SPOCK1: variants seen among roughly 807,000 people sequenced by gnomAD.
SPOCK1 encodes SPARC (osteonectin), cwcv and kazal like domains proteoglycan 1.
In SPOCK1, 23 loss-of-function variants were observed where a neutral mutation model predicts 55.3. The observed-to-expected ratio is 0.42, with a 90% CI of 0.30 to 0.59. The LOEUF (loss-of-function observed/expected upper bound fraction) is 0.59. Ranked by LOEUF, SPOCK1 falls within the 20% of genes least tolerant of loss-of-function variation. The probability of loss-of-function intolerance (pLI) is 0.22; values close to 1 mark genes in which losing one functional copy is unlikely to be tolerated. For synonymous variants in SPOCK1, 226 were observed against 221.0 expected, an observed-to-expected ratio of 1.02 and a Z score of -0.20; for missense variants, 499 against 552.5, an observed-to-expected ratio of 0.90 and a Z score of 0.97.
At chr5:137,453,642 T>C (rs977553786) in intron 2 of SPOCK1, among the ~76,000 whole-genome samples, 1 of 152,176 alleles carries the variant, frequency 6.6e-6, no homozygotes. Context: ...GCACTCTTGT[T>C]CAAGAATAGT....
At chr5:137,295,418 G>A (rs1757459689) in intron 2 of SPOCK1, among the ~76,000 whole-genome samples, 1 of 152,182 alleles carries the variant, frequency 6.6e-6, no homozygotes, top group Non-Finnish European at 1.5e-5. Flanking sequence ...AATATTCCCT[G>A]GAAACAGAGA....
chr5:137,268,061 C>G (rs1436636120), intron 2 of SPOCK1, among the ~76,000 whole-genome samples: 2 of 152,238 alleles, frequency 1.3e-5, no homozygotes, highest in African/African-American at 2.4e-5. Flanking sequence ...TAATTTACAT[C>G]AAAGCGCACA....
intron 5 of SPOCK1, among the ~76,000 whole-genome samples, chr5:137,093,250 A>T (rs1753080585): frequency 6.6e-6 from 1 of 152,120 alleles, no homozygotes; most frequent in African/African-American, 2.4e-5. Context: ...TCTCCCTGAG[A>T]TCCTGAAAGA....
At chr5:137,176,731 G>C (rs1178750666) in intron 3 of SPOCK1, among the ~76,000 whole-genome samples, 1 of 152,132 alleles carries the variant, frequency 6.6e-6, no homozygotes, top group African/African-American at 2.4e-5. Context: ...CAGGCTGAAG[G>C]CTGGCATGGA....
chr5:137,386,960 A>G (rs1751610960), intron 2 of SPOCK1, among the ~76,000 whole-genome samples: 1 of 152,232 alleles, frequency 6.6e-6, no homozygotes, highest in African/African-American at 2.4e-5. Context: ...AAACTCAACA[A>G]TAAGAAAATA....
chr5:137,138,944 T>C (rs968654781), intron 4 of SPOCK1, among the ~76,000 whole-genome samples: 1 of 152,194 alleles, frequency 6.6e-6, no homozygotes, highest in East Asian at 1.9e-4. Flanking sequence ...TGGGTTTGAA[T>C]CATGCTGCTG....
At chr5:137,123,265 T>C (rs1425292832) in intron 4 of SPOCK1, among the ~76,000 whole-genome samples, 1 of 152,220 alleles carries the variant, frequency 6.6e-6, no homozygotes, top group Non-Finnish European at 1.5e-5. Context: ...GGACATTTTC[T>C]GGATTGGTAG....
intron 3 of SPOCK1, among the ~76,000 whole-genome samples, chr5:137,225,607 C>T (rs1003831173): frequency 3.4e-4 from 51 of 152,180 alleles, no homozygotes; most frequent in Non-Finnish European, 1.9e-4. Context: ...GCATGCCACA[C>T]GATGCCTCGA....
At chr5:137,273,899 A>G (rs1010673998) in intron 2 of SPOCK1, among the ~76,000 whole-genome samples, 6 of 152,228 alleles carry the variant, frequency 3.9e-5, no homozygotes, top group Admixed American at 2.6e-4. Context: ...ATATGGATTT[A>G]TGTTCCTAGG....
At chr5:137,329,395 CATCT>C (rs548243036) in intron 2 of SPOCK1, among the ~76,000 whole-genome samples, 48 of 152,138 alleles carry the variant, frequency 3.2e-4, no homozygotes, top group Non-Finnish European at 5.6e-4. Context: ...TACACATACA[CATCT>C]ATCTGTCTAT....
rs541690560 is a variant in SPOCK1, at chr5:137,154,219, G to A, written c.233-13525C>T. 8.5e-5 allele frequency among the ~76,000 whole-genome samples: 13 copies of A among 152,148 alleles called. No homozygotes were observed. The East Asian group carries it at 1.4e-3, about 16-fold the overall frequency. On this transcript the variant is annotated intron_variant, in intron 3 of 10. Coordinates refer to ENST00000394945, the MANE Select transcript of SPOCK1 (RefSeq NM_004598.4). The stretch of plus-strand genomic sequence containing the variant: ...GGAGAATCACTTGAACCCAGGAGGC[G>A]GAGGTTGCAGTGAGCCAAGATGGCG...
At chr5:137,093,141 G>A (rs1753078989) in intron 5 of SPOCK1, among the ~76,000 whole-genome samples, 1 of 152,144 alleles carries the variant, frequency 6.6e-6, no homozygotes. Flanking sequence ...TGCCACATTG[G>A]GGATTAAGTT....
chr5:137,420,280 G>A (rs1252909916), intron 2 of SPOCK1, among the ~76,000 whole-genome samples: 1 of 152,194 alleles, frequency 6.6e-6, no homozygotes, highest in Non-Finnish European at 1.5e-5. Context: ...GTCTCTGCCA[G>A]GCTTTGGTAT....
chr5:137,150,544 T>G (rs1754249496), intron 3 of SPOCK1, among the ~76,000 whole-genome samples: 1 of 151,992 alleles, frequency 6.6e-6, no homozygotes, highest in Non-Finnish European at 1.5e-5. Context: ...GCACTGTTGG[T>G]AAGAGGCTAG....
chr5:136,983,831 G>A (rs1303874487), intron 9 of SPOCK1, among the ~76,000 whole-genome samples: 1 of 152,196 alleles, frequency 6.6e-6, no homozygotes, highest in East Asian at 1.9e-4. Context: ...ATGTGATAAA[G>A]CAAGCTTTAA....
At chr5:137,100,053 C>T (rs995385549) in intron 5 of SPOCK1, among the ~76,000 whole-genome samples, 1 of 152,134 alleles carries the variant, frequency 6.6e-6, no homozygotes, top group Admixed American at 6.5e-5. Flanking sequence ...TTTTCAGGGA[C>T]TCTAGTCTAT....
intron 2 of SPOCK1, among the ~76,000 whole-genome samples, chr5:137,306,709 C>CT (rs70979533): frequency 0.57 from 84,694 of 149,618 alleles, 24,302 homozygotes; most frequent in Admixed American, 0.65. Context: ...AATCTGTTTT[C>CT]TTTTTTTTTT....
At chr5:137,397,200 G>A (rs138513625) in intron 2 of SPOCK1, among the ~76,000 whole-genome samples, 3 of 152,308 alleles carry the variant, frequency 2.0e-5, no homozygotes, top group African/African-American at 7.2e-5. Context: ...GATGCAGGGA[G>A]CTCCATGGAT....
intron 2 of SPOCK1, among the ~76,000 whole-genome samples, chr5:137,429,826 C>A (rs991353967): frequency 2.7e-4 from 41 of 152,334 alleles, no homozygotes; most frequent in Non-Finnish European, 4.1e-4. Flanking sequence ...GACCAGAGAT[C>A]TCTATTCAAA....
Sources: gnomAD v4.1 joint callset for allele counts (sites outside exome capture counted in the v4.1 genomes callset) on GRCh38, gnomAD v4.1.1 for gene constraint, MANE v1.5 for transcripts, NCBI Gene and HGNC (gene_info 2026-07-23, HGNC 2026-07-21) for gene names.